The following ELAPOR2 variants were observed in gnomAD, a reference collection of about 807,000 sequenced individuals.
ELAPOR2 encodes the protein endosome/lysosome-associated apoptosis and autophagy regulator family member 2.
ELAPOR2 carries 89 observed loss-of-function variants against 120.7 expected under a neutral mutation model. The observed-to-expected ratio is 0.74, with a 90% CI of 0.62 to 0.88. ELAPOR2 has a LOEUF of 0.88. Ranked by LOEUF, ELAPOR2 falls within the 40% of genes least tolerant of loss-of-function variation. The pLI is 0.00. For missense variants in ELAPOR2, 1,134 were observed against 1,251.6 expected (o/e 0.91, Z 1.42); for synonymous variants, 444 against 444.9 (o/e 1.00, Z 0.03).
chr7:87,019,683 T>C (rs1289982785), intron 1 of ELAPOR2, among the ~76,000 whole-genome samples: 1 of 152,200 alleles, frequency 6.6e-6, no homozygotes, highest in Non-Finnish European at 1.5e-5. Flanking sequence ...CACTCAAATA[T>C]TGCTGGTAGT....
intron 2 of ELAPOR2, among the ~76,000 whole-genome samples, chr7:86,951,432 C>T (rs1302647501): frequency 6.6e-6 from 1 of 152,196 alleles, no homozygotes; most frequent in African/African-American, 2.4e-5. Context: ...ATCTTGTCTT[C>T]TAAATACAAT....
At chr7:87,011,042 C>T (rs1471396980) in intron 1 of ELAPOR2, among the ~76,000 whole-genome samples, 15 of 151,890 alleles carry the variant, frequency 9.9e-5, no homozygotes, top group African/African-American at 2.7e-4. Context: ...CCAAGGCGGG[C>T]GGGTCATGAG....
chr7:86,999,398 AC>A (rs1793237379), intron 1 of ELAPOR2, among the ~76,000 whole-genome samples: 1 of 152,160 alleles, frequency 6.6e-6, no homozygotes, highest in Non-Finnish European at 1.5e-5. Flanking sequence ...AAAATGTAAT[AC>A]CCCATCAGTA....
chr7:86,924,826 T>C (rs1247442215), intron 10 of ELAPOR2, among the ~76,000 whole-genome samples: 3 of 151,896 alleles, frequency 2.0e-5, no homozygotes, highest in African/African-American at 7.2e-5. Context: ...TTAAACATAA[T>C]ATAGAGAAAA....
intron 1 of ELAPOR2, among the ~76,000 whole-genome samples, chr7:87,043,364 A>C (rs935580286): frequency 6.6e-6 from 1 of 150,984 alleles, no homozygotes; most frequent in African/African-American, 2.4e-5. Context: ...AATCCTCAAT[A>C]AAATACTGGC....
Position 86,913,058 on chromosome 7 carries a change from G to A in ELAPOR2, c.1878C>T (p.Tyr626=). The stretch of plus-strand genomic sequence containing the variant: ...TGCACTGGTTGGTTTCTTTCTCAAT[G>A]TAGTGGCCTGGAGGGCAGGGGACAC... ...SSCVPCPPGH[Y]IEKETNQCKE... Residue 626 remains tyrosine (Y), a synonymous_variant, in exon 14 of 22, where the codon TAC becomes TAT. Coordinates refer to ENST00000450689, the MANE Select transcript of ELAPOR2 (RefSeq NM_001142749.3). The A allele has an allele frequency of 6.2e-7, 1 of 1,614,066 alleles. No individual in the cohort carries two copies. The highest frequency in any genetic ancestry group is 1.3e-5 in the African/African-American group (1 of 75,040).
chr7:86,955,913 CT>C (rs1202407740), intron 2 of ELAPOR2, among the ~76,000 whole-genome samples: 2 of 146,050 alleles, frequency 1.4e-5, no homozygotes, highest in African/African-American at 5.1e-5. Context: ...AATCCACTGT[CT>C]TCAAGTGAAA....
intron 1 of ELAPOR2, among the ~76,000 whole-genome samples, chr7:86,979,175 A>G (rs1583938982): frequency 6.6e-6 from 1 of 152,252 alleles, no homozygotes; most frequent in African/African-American, 2.4e-5. Flanking sequence ...ACCAAAAGTT[A>G]ATGTATACAA....
chr7:86,969,100 G>A (rs561705535), intron 1 of ELAPOR2, among the ~76,000 whole-genome samples: 8 of 152,042 alleles, frequency 5.3e-5, no homozygotes, highest in South Asian at 4.1e-4. Context: ...ACACAGGCAC[G>A]AACTTGCACA....
intron 8 of ELAPOR2, among the ~76,000 whole-genome samples, chr7:86,931,106 T>C (rs886116437): frequency 5.3e-5 from 8 of 151,976 alleles, no homozygotes; most frequent in African/African-American, 1.9e-4. Context: ...GATGACTAGC[T>C]ATGATCATGG....
chr7:86,970,660 T>C (rs1303030511), intron 1 of ELAPOR2, among the ~76,000 whole-genome samples: 2 of 152,210 alleles, frequency 1.3e-5, no homozygotes, highest in Admixed American at 1.3e-4. Context: ...ATGCAACTTA[T>C]ACGAGCTCCT....
rs998624925 is a variant in ELAPOR2 at position 86,982,552 on chromosome 7, G to GT, written c.190-17529dup. Among the ~76,000 whole-genome samples, 28 of 152,234 alleles carry GT rather than the reference G, an allele frequency of 1.8e-4. 1 individual carries two copies. Among genetic ancestry groups the GT allele is most frequent in the African/African-American group, 6.5e-4 (27 of 41,454 alleles). ...GATAACCAGGCCAACAGGGTCCAGA[G>GT]TGGACATACAGCAAACTCCAACAGA... On this transcript the variant is annotated intron_variant, in intron 1 of 21. Transcript: ENST00000450689.
intron 1 of ELAPOR2, among the ~76,000 whole-genome samples, chr7:87,051,042 A>T (rs1436158730): frequency 6.6e-6 from 1 of 152,234 alleles, no homozygotes; most frequent in Non-Finnish European, 1.5e-5. Flanking sequence ...CACCAAGGCT[A>T]TGCTTGATAG....
intron 17 of ELAPOR2, among the ~76,000 whole-genome samples, chr7:86,908,158 C>T (rs1789123802): frequency 1.4e-5 from 2 of 139,178 alleles, no homozygotes; most frequent in South Asian, 4.2e-4. Flanking sequence ...AATACACACA[C>T]ACACACACAC....
At chr7:86,964,841 G>A (rs770982877) in intron 2 of ELAPOR2, 63 bp downstream of exon 2, 83 of 1,518,470 alleles carry the variant, frequency 5.5e-5, no homozygotes, top group Non-Finnish European at 6.7e-5. Flanking sequence ...TTAACATCTA[G>A]GGCTAATATG....
At chr7:87,039,717 TA>T (rs201519013) in intron 1 of ELAPOR2, among the ~76,000 whole-genome samples, 62 of 151,776 alleles carry the variant, frequency 4.1e-4, no homozygotes, top group Middle Eastern at 3.4e-3. Context: ...CCCTTTATGA[TA>T]AAAAAAAATT....
intron 1 of ELAPOR2, among the ~76,000 whole-genome samples, chr7:87,058,163 G>A (rs1044386096): frequency 6.6e-6 from 1 of 152,178 alleles, no homozygotes; most frequent in African/African-American, 2.4e-5. Context: ...GACCTGTACT[G>A]TAGGAGAGAA....
intron 18 of ELAPOR2, among the ~76,000 whole-genome samples, chr7:86,902,300 CT>C (rs1178628155): frequency 6.6e-6 from 1 of 152,154 alleles, no homozygotes; most frequent in Non-Finnish European, 1.5e-5. Flanking sequence ...CCTCAGCCTC[CT>C]GAGTAGCTGG....
intron 1 of ELAPOR2, among the ~76,000 whole-genome samples, chr7:87,031,520 A>T (rs961908842): frequency 1.3e-4 from 20 of 152,224 alleles, no homozygotes; most frequent in Admixed American, 9.8e-4. Flanking sequence ...CAGCAGGCAC[A>T]TCTAATAGAC....
Sources: gnomAD v4.1 joint callset for allele counts (sites outside exome capture counted in the v4.1 genomes callset) on GRCh38, gnomAD v4.1.1 for gene constraint, MANE v1.5 for transcripts, NCBI Gene and HGNC (gene_info 2026-07-23, HGNC 2026-07-21) for gene names.